CDHR2: variants seen among roughly 807,000 people sequenced by gnomAD.
CDHR2 encodes cadherin-related family member 2.
A neutral mutation model predicts 138.6 loss-of-function variants in CDHR2; 104 were observed. The observed-to-expected ratio is 0.75, with a 90% CI of 0.64 to 0.88. The LOEUF (loss-of-function observed/expected upper bound fraction) is 0.88, where lower values mean the gene tolerates loss of function less well. Ranked by LOEUF, CDHR2 falls within the 40% of genes least tolerant of loss-of-function variation. The pLI is 0.00. For missense variants in CDHR2, 1,624 were observed against 1,727.6 expected (o/e 0.94, Z 1.06); for synonymous variants, 755 against 742.8 (o/e 1.02, Z -0.27).
chr5:176,578,460 C>T lies in CDHR2; in HGVS notation c.1670C>T (p.Thr557Met), dbSNP rs149516729. Residue 557 changes from threonine to methionine, a missense_variant, in exon 16 of 32, where the codon ACG (threonine) becomes ATG (methionine). Physicochemically the swap from Thr to Met is moderately conservative, Grantham distance 81 (BLOSUM62 -1). Around this residue, in one of 3 missense-constraint regions of CDHR2, gnomAD observed 1,061 missense variants for 1,136.6 expected, o/e 0.93. Coordinates refer to ENST00000261944, the MANE Select transcript of CDHR2 (RefSeq NM_017675.6). ...DRESQAVYYL[T>M]LQATDGGNLS... The stretch of plus-strand genomic sequence containing the variant: ...GAGAGCCAGGCCGTGTACTACCTGA[C>T]GCTGCAGGCCACAGACGGCGGGAAC... 175 of 1,613,808 alleles carry T rather than the reference C, an allele frequency of 1.1e-4. No homozygotes were observed. The highest frequency in any genetic ancestry group is 1.3e-4 in the Non-Finnish European group (156 of 1,179,874).
At position 176,543,190 on chromosome 5, in the gene CDHR2, G is replaced by A. The variant is rs1757496088; in HGVS notation, c.-16+421G>A. ...TGCGTTCCTCCGCCGGCCCGCGGCC[G>A]CCCCCTACCGCCGCGTGCTCGCCGG... On this transcript the variant is annotated intron_variant, in intron 1 of 31. Transcript: ENST00000510636. This position sits in a 1 kb window ranked among gnomAD's most constrained non-coding sequence, Gnocchi z 4.0. Among the ~76,000 whole-genome samples, 1 of 148,912 alleles carries A rather than the reference G, an allele frequency of 6.7e-6. No individual in the cohort carries two copies. Among genetic ancestry groups the A allele is most frequent in the South Asian group, 2.1e-4 (1 of 4,832 alleles).
chr5:176,574,545 G>T (rs912095970), intron 7 of CDHR2, among the ~76,000 whole-genome samples: 1 of 152,164 alleles, frequency 6.6e-6, no homozygotes, highest in East Asian at 1.9e-4. Flanking sequence ...CTTGGTATCC[G>T]TGGGGACTTG....
At chr5:176,551,949 C>T (rs891478314) in intron 1 of CDHR2, among the ~76,000 whole-genome samples, 6 of 152,058 alleles carry the variant, frequency 3.9e-5, no homozygotes, top group African/African-American at 1.4e-4. Context: ...CTCCTGACCC[C>T]GACCCCGTAA....
At chr5:176,562,074 G>A (rs1279280309) in intron 1 of CDHR2, among the ~76,000 whole-genome samples, 1 of 152,198 alleles carries the variant, frequency 6.6e-6, no homozygotes, top group Non-Finnish European at 1.5e-5. Context: ...GGGGTGGGCT[G>A]AGATGCAGGG....
rs1759018051 is a variant in CDHR2 at position 176,595,778 on chromosome 5, T to C, written c.*106T>C. 1.7e-6 allele frequency: 2 copies of C among 1,162,648 alleles called. No homozygotes were observed. The highest frequency in any genetic ancestry group is 2.8e-5 in the Admixed American group (1 of 36,182). 72.0% of individuals were successfully genotyped at this position (1,162,648 alleles called of 1,614,324 possible). A position where few individuals can be genotyped will look rare whatever the true frequency, so the allele number is the denominator to read the frequency against. ...TATGACGCTGCCCTGCCTCCTGCTTTTGGCCAATCACGGCAGACAGGGGTT... is the reference window on the plus strand; with the variant it reads ...TATGACGCTGCCCTGCCTCCTGCTTCTGGCCAATCACGGCAGACAGGGGTT... On this transcript the variant is annotated 3_prime_UTR_variant, in exon 32 of 32. Transcript: ENST00000261944.
chr5:176,571,173 A>G (rs1758219665), intron 5 of CDHR2, 40 bp from the exon 6 acceptor site: 3 of 1,422,342 alleles, frequency 2.1e-6, no homozygotes, highest in Non-Finnish European at 3.0e-6. Flanking sequence ...GGTGTTTTAA[A>G]TCCTATTTTC....
chr5:176,547,663 A>G (rs1757614588), upstream of CDHR2: 1 of 152,228 alleles, frequency 6.6e-6, no homozygotes, highest in Non-Finnish European at 1.5e-5. Context: ...CCTGGCCTCA[A>G]GCCATCCTAC....
intron 7 of CDHR2, 38 bp from the exon 8 acceptor site, chr5:176,575,046 G>C (rs1295428498): frequency 2.5e-6 from 4 of 1,612,340 alleles, no homozygotes; most frequent in Non-Finnish European, 3.4e-6. Flanking sequence ...GTGCAGGGCT[G>C]TCCCTAGGGA....
At position 176,575,076 on chromosome 5, in the gene CDHR2, T is replaced by C; in HGVS notation, c.496-8T>C. On this transcript the variant is annotated splice_polypyrimidine_tract_variant and splice_region_variant and intron_variant, in intron 7 of 31. Coordinates refer to ENST00000261944, the MANE Select transcript of CDHR2 (RefSeq NM_017675.6). ...TAGGGAGCCTGACCCAAGTCTGCTC[T>C]GCCCCAGGTCATCCCTAGCACTGGG... 1.2e-6 allele frequency: 2 copies of C among 1,613,976 alleles called. No homozygotes were observed. Among genetic ancestry groups the C allele is most frequent in the Non-Finnish European group, 1.7e-6 (2 of 1,179,994 alleles).
intron 17 of CDHR2, among the ~76,000 whole-genome samples, chr5:176,582,397 G>T (rs922634335): frequency 1.3e-5 from 2 of 152,056 alleles, no homozygotes; most frequent in Non-Finnish European, 2.9e-5. Context: ...TGAACTGTTG[G>T]CCTCAAGCGA....
intron 1 of CDHR2, among the ~76,000 whole-genome samples, chr5:176,559,815 C>T (rs1362234178): frequency 6.6e-6 from 1 of 152,142 alleles, no homozygotes; most frequent in African/African-American, 2.4e-5. Context: ...CATCAGGAGA[C>T]ACCTGGCAAT....
intron 3 of CDHR2, among the ~76,000 whole-genome samples, chr5:176,566,619 C>G (rs546572566): frequency 9.2e-5 from 14 of 152,372 alleles, no homozygotes; most frequent in South Asian, 4.1e-4. Context: ...GGTCACGCAG[C>G]CTTCTTCCCG....
intron 6 of CDHR2, among the ~76,000 whole-genome samples, chr5:176,572,623 C>G (rs1373098482): frequency 6.6e-6 from 1 of 152,108 alleles, no homozygotes; most frequent in Non-Finnish European, 1.5e-5. Flanking sequence ...GGAGTGGGGA[C>G]AGTTCCACTT....
chr5:176,584,406 A>C lies in CDHR2; in HGVS notation c.2129-4A>C. 1 of 1,598,378 alleles carries C rather than the reference A, an allele frequency of 6.3e-7. No individual in the cohort carries two copies. The highest frequency in any genetic ancestry group is 8.5e-7 in the Non-Finnish European group (1 of 1,170,570). ...TCCTTCTGAGCTCTGCCCCTTGTCC[A>C]CAGGAGTGCTAGTGGGCGTGGTGAA... On this transcript the variant is annotated splice_region_variant and splice_polypyrimidine_tract_variant and intron_variant, in intron 18 of 31. Transcript: ENST00000261944.
Position 176,577,521 on chromosome 5 carries a change from G to C in CDHR2, c.1317G>C (p.Val439=). 6.2e-7 allele frequency: 1 copy of C among 1,613,522 alleles called. No individual in the cohort carries two copies. The highest frequency in any genetic ancestry group is 8.5e-7 in the Non-Finnish European group (1 of 1,179,856). The change falls in exon 13 of 32, where the codon GTG becomes GTC. Residue 439 remains valine, a synonymous_variant. Coordinates refer to ENST00000261944, the MANE Select transcript of CDHR2 (RefSeq NM_017675.6). Reference sequence around the variant, plus strand: ...TGCTGGTGAGAGTATCCGCGCTGGTGGACTACGAGAGGCAGACGGCGATGG... The same window carrying C: ...TGCTGGTGAGAGTATCCGCGCTGGTCGACTACGAGAGGCAGACGGCGATGG... ...VQVLVRVSAL[V]DYERQTAMAV...
At position 176,581,574 on chromosome 5, in the gene CDHR2, A is replaced by C; in HGVS notation, c.2050A>C (p.Thr684Pro). Residue 684 changes from threonine (T) to proline (P), a missense_variant, in exon 17 of 32, where the codon ACT becomes CCT. By Grantham distance (38) the Thr-to-Pro change is conservative (BLOSUM62 -1). This residue lies in a region of CDHR2 where 1,061 missense variants were observed against 1,136.6 expected (regional missense o/e 0.93). Transcript: ENST00000261944. The stretch of plus-strand genomic sequence containing the variant: ...CGGCACCAAAGTCAATGTCACCATC[A>C]CTGTGGAGGTAAGGCCTCGCTTAGC... ...VLGTKVNVTI[T>P]VEDINDNLPI... The C allele has an allele frequency of 6.2e-7, 1 of 1,613,582 alleles. No homozygotes were observed. Among genetic ancestry groups the C allele is most frequent in the East Asian group, 2.2e-5 (1 of 44,874 alleles).
At position 176,595,761 on chromosome 5, in the gene CDHR2, T is replaced by C. The variant is rs1759017370; in HGVS notation, c.*89T>C. On this transcript the variant is annotated 3_prime_UTR_variant, in exon 32 of 32. Transcript: ENST00000261944. ...CCCTGGAGATGAAAATATATGACGC[T>C]GCCCTGCCTCCTGCTTTTGGCCAAT... 4 of 1,265,098 alleles carry C rather than the reference T, an allele frequency of 3.2e-6. No individual in the cohort carries two copies. The highest frequency in any genetic ancestry group is 2.6e-4 in the Middle Eastern group (1 of 3,778). The allele number at this position is 1,265,098 out of a possible 1,614,324, so 78.4% of individuals were successfully genotyped here.
intron 6 of CDHR2, among the ~76,000 whole-genome samples, chr5:176,572,046 C>T (rs972708771): frequency 2.6e-5 from 4 of 152,102 alleles, no homozygotes; most frequent in Non-Finnish European, 4.4e-5. Flanking sequence ...TCTCTTATTG[C>T]CTCCATCCTG....
chr5:176,549,947 C>A lies in CDHR2; in HGVS notation c.-16+533C>A, dbSNP rs563590928. Among the ~76,000 whole-genome samples the A allele has an allele frequency of 1.8e-4, 27 of 152,304 alleles. No individual in the cohort carries two copies. In the South Asian group the frequency reaches 4.6e-3, roughly 26 times the overall value. ...GTGAGCATGTGGCCTATGACCGAGC[C>A]CAGTGCCACCTCAGCCAGTGCTAGG... On this transcript the variant is annotated intron_variant, in intron 1 of 31. Transcript: ENST00000261944.
Sources: allele counts gnomAD v4.1 joint callset (sites outside exome capture counted in the v4.1 genomes callset), GRCh38; gene constraint gnomAD v4.1.1; regional missense constraint gnomAD v4.1.1; non-coding constraint Gnocchi (gnomAD v3.1); transcripts MANE v1.5; gene names NCBI Gene and HGNC (gene_info 2026-07-23, HGNC 2026-07-21).